The following C8orf34 variants were observed in gnomAD, a reference collection of about 807,000 sequenced individuals.
C8orf34 encodes chromosome 8 open reading frame 34.
In C8orf34, 65 loss-of-function variants were observed where a neutral mutation model predicts 68.3. That is an observed-to-expected ratio of 0.95 (90% CI 0.78 to 1.17). C8orf34 has a LOEUF of 1.17. C8orf34 is among the 50% of genes most tolerant of loss of function. The pLI is 0.00. For missense variants in C8orf34, 664 were observed against 655.4 expected, an observed-to-expected ratio of 1.01 and a Z score of -0.14; for synonymous variants, 244 against 241.2, an observed-to-expected ratio of 1.01 and a Z score of -0.11.
At chr8:68,600,084 T>C (rs1817654457) in intron 7 of C8orf34, among the ~76,000 whole-genome samples, 1 of 152,116 alleles carries the variant, frequency 6.6e-6, no homozygotes, top group African/African-American at 2.4e-5. Context: ...TTATGACAAG[T>C]ATGTGGAGTA....
intron 1 of C8orf34, among the ~76,000 whole-genome samples, chr8:68,348,389 G>A (rs1337147941): frequency 6.6e-6 from 1 of 152,012 alleles, no homozygotes; most frequent in Non-Finnish European, 1.5e-5. Context: ...TTTGAAGTTG[G>A]GTTATGTGAT....
At chr8:68,435,637 G>A (rs2591002) in intron 1 of C8orf34, among the ~76,000 whole-genome samples, 81,076 of 151,918 alleles carry the variant, frequency 0.53, 21,862 homozygotes, top group African/African-American at 0.6. Flanking sequence ...CCGAAGATTA[G>A]TATTTTTGTG....
In C8orf34 at chr8:68,762,603, T is replaced by G. The variant is rs151195235; in HGVS notation, c.1405-13796T>G. Reference sequence around the variant, plus strand: ...GCTGTTTTCACAAAATGCAAACACATGCAAAAACATTGTAATAAACCTCAG... The same window carrying G: ...GCTGTTTTCACAAAATGCAAACACAGGCAAAAACATTGTAATAAACCTCAG... On this transcript the variant is annotated intron_variant, in intron 10 of 13. Transcript: ENST00000518698. 2.2e-3 allele frequency among the ~76,000 whole-genome samples: 334 copies of G among 152,304 alleles called. 3 individuals are homozygous for G. The highest frequency in any genetic ancestry group is 7.3e-3 in the African/African-American group (304 of 41,550).
intron 7 of C8orf34, among the ~76,000 whole-genome samples, chr8:68,576,155 C>T (rs533865605): frequency 6.8e-6 from 1 of 147,938 alleles, no homozygotes; most frequent in South Asian, 2.1e-4. Flanking sequence ...CACACACACA[C>T]ACACATACAC....
At chr8:68,598,407 G>T (rs1817607229) in intron 7 of C8orf34, among the ~76,000 whole-genome samples, 1 of 152,086 alleles carries the variant, frequency 6.6e-6, no homozygotes, top group Admixed American at 6.6e-5. Flanking sequence ...GGGACCCAAG[G>T]TTTATATGTT....
At chr8:68,676,177 C>T (rs1820184214) in intron 8 of C8orf34, among the ~76,000 whole-genome samples, 1 of 151,884 alleles carries the variant, frequency 6.6e-6, no homozygotes, top group South Asian at 2.1e-4. Context: ...CTACAAAAAA[C>T]AGAAAAATTA....
In C8orf34 at chr8:68,589,129, T is replaced by G. The variant is rs149677518; in HGVS notation, c.1106-51247T>G. Reference sequence around the variant, plus strand: ...TAAATCGGCTACCAATCAATCACATTGACCAGGGATTTTGAGGATAAACTA... The same window carrying G: ...TAAATCGGCTACCAATCAATCACATGGACCAGGGATTTTGAGGATAAACTA... On this transcript the variant is annotated intron_variant, in intron 7 of 13. Coordinates refer to ENST00000518698, the MANE Select transcript of C8orf34 (RefSeq NM_052958.4). Among the ~76,000 whole-genome samples, 121 of 152,306 alleles carry G rather than the reference T, an allele frequency of 7.9e-4. 1 individual carries two copies. Among genetic ancestry groups the G allele is most frequent in the African/African-American group, 2.7e-3 (114 of 41,568 alleles).
chr8:68,725,810 T>C (rs1353965300), intron 10 of C8orf34, among the ~76,000 whole-genome samples: 9 of 152,210 alleles, frequency 5.9e-5, no homozygotes, highest in South Asian at 2.1e-4. Flanking sequence ...TATTTGCAAA[T>C]TTGTATTTAG....
At chr8:68,463,836 T>C (rs1375775878) in intron 3 of C8orf34, among the ~76,000 whole-genome samples, 1 of 152,152 alleles carries the variant, frequency 6.6e-6, no homozygotes, top group Non-Finnish European at 1.5e-5. Context: ...GCTGATATCA[T>C]ACTGAATGGG....
chr8:68,575,318 A>G (rs149455187), intron 7 of C8orf34, among the ~76,000 whole-genome samples: 2 of 152,262 alleles, frequency 1.3e-5, no homozygotes, highest in African/African-American at 4.8e-5. Flanking sequence ...AAAGTAATTT[A>G]TACCAGCTAT....
chr8:68,532,915 C>A (rs1268563390), intron 6 of C8orf34, 68 bp from the exon 7 acceptor site: 3 of 1,176,566 alleles, frequency 2.5e-6, no homozygotes, highest in Non-Finnish European at 2.4e-6. Context: ...ATAAAATAAC[C>A]AAATGGAAAT....
At chr8:68,333,779 T>C (rs1585930758) in intron 1 of C8orf34, among the ~76,000 whole-genome samples, 1 of 152,206 alleles carries the variant, frequency 6.6e-6, no homozygotes, top group Non-Finnish European at 1.5e-5. Flanking sequence ...TTTGAGAAAC[T>C]GAGCTAAAAT....
chr8:68,478,985 G>A (rs949371040), intron 4 of C8orf34, among the ~76,000 whole-genome samples: 9 of 152,078 alleles, frequency 5.9e-5, no homozygotes, highest in African/African-American at 1.9e-4. Flanking sequence ...GTCATTAGTT[G>A]TCTGTGACTG....
chr8:68,510,398 C>T (rs931287306), intron 5 of C8orf34, among the ~76,000 whole-genome samples: 2 of 152,238 alleles, frequency 1.3e-5, no homozygotes, highest in South Asian at 2.1e-4. Context: ...CATCACCTGG[C>T]AGGATTTGCA....
At chr8:68,469,024 A>G (rs1459775351) in intron 4 of C8orf34, among the ~76,000 whole-genome samples, 4 of 152,056 alleles carry the variant, frequency 2.6e-5, no homozygotes, top group Admixed American at 6.6e-5. Flanking sequence ...TGGAGTAGAA[A>G]GAGCTGTAGA....
At chr8:68,391,611 G>A (rs1260286828) in intron 1 of C8orf34, among the ~76,000 whole-genome samples, 5 of 152,134 alleles carry the variant, frequency 3.3e-5, no homozygotes, top group Admixed American at 6.5e-5. Context: ...TGCTATCAGA[G>A]TCCAGCAAGA....
At chr8:68,406,009 G>A (rs530512553) in intron 1 of C8orf34, among the ~76,000 whole-genome samples, 2 of 152,264 alleles carry the variant, frequency 1.3e-5, no homozygotes, top group East Asian at 3.9e-4. Flanking sequence ...CCAAATAAAA[G>A]GCACAGATTA....
chr8:68,482,240 A>G (rs1234722031), intron 4 of C8orf34, among the ~76,000 whole-genome samples: 2 of 152,114 alleles, frequency 1.3e-5, no homozygotes, highest in African/African-American at 4.8e-5. Context: ...GTCTCCCACC[A>G]TGATTCTGGG....
chr8:68,341,903 AGG>A lies in C8orf34; in HGVS notation c.327+10567_327+10568del, dbSNP rs144435054. 2.2e-3 allele frequency among the ~76,000 whole-genome samples: 341 copies of A among 152,286 alleles called. 1 individual carries two copies. The highest frequency in any genetic ancestry group is 7.8e-3 in the African/African-American group (323 of 41,568). On this transcript the variant is annotated intron_variant, in intron 1 of 13. Transcript: ENST00000518698. ...CAATGCAAGAATGGCCTAACACATCAGGGGTTGAGGGTGGAGTGTGTGAGGAG... is the reference window on the plus strand; with the variant it reads ...CAATGCAAGAATGGCCTAACACATCAGGTTGAGGGTGGAGTGTGTGAGGAG...
Sources: gnomAD v4.1 joint callset for allele counts (sites outside exome capture counted in the v4.1 genomes callset) on GRCh38, gnomAD v4.1.1 for gene constraint, MANE v1.5 for transcripts, NCBI Gene and HGNC (gene_info 2026-07-23, HGNC 2026-07-21) for gene names.